Variants in FSHR observed in about 807,000 individuals in gnomAD.
FSHR encodes follicle-stimulating hormone receptor.
FSHR carries 46 observed loss-of-function variants against 52.1 expected under a neutral mutation model. The ratio of observed to expected loss-of-function variants is 0.88; its 90% CI spans 0.70 to 1.13. The LOEUF is 1.13. FSHR is among the 50% of genes most tolerant of loss of function. The probability of loss-of-function intolerance (pLI) is 0.00; values close to 1 mark genes in which losing one functional copy is unlikely to be tolerated. For synonymous variants in FSHR, 399 were observed against 309.6 expected (o/e 1.29, Z -3.03); for missense variants, 964 against 834.6 (o/e 1.16, Z -1.91).
At chr2:48,996,517 AAC>A (rs1676030065) in intron 4 of FSHR, among the ~76,000 whole-genome samples, 1 of 152,128 alleles carries the variant, frequency 6.6e-6, no homozygotes, top group Admixed American at 6.6e-5. Flanking sequence ...TTGATTCATT[AAC>A]ACAACTCATG....
intron 2 of FSHR, among the ~76,000 whole-genome samples, chr2:49,024,898 C>A (rs1453423697): frequency 6.6e-6 from 1 of 152,168 alleles, no homozygotes; most frequent in Non-Finnish European, 1.5e-5. Context: ...TTTCCATAGA[C>A]CCTCTGTTAC....
chr2:48,985,131 CG>C (rs1210228036), intron 6 of FSHR, among the ~76,000 whole-genome samples: 1 of 151,514 alleles, frequency 6.6e-6, no homozygotes, highest in African/African-American at 2.4e-5. Context: ...ACGATGATGA[CG>C]ATGACTACAA....
At chr2:49,139,659 A>T (rs945209269) in intron 1 of FSHR, among the ~76,000 whole-genome samples, 1 of 148,028 alleles carries the variant, frequency 6.8e-6, no homozygotes, top group African/African-American at 2.5e-5. Flanking sequence ...GTGCAGTGGC[A>T]TGATCACGGC....
intron 6 of FSHR, 53 bp from the exon 7 acceptor site, chr2:48,983,219 CG>C: frequency 6.5e-7 from 1 of 1,535,518 alleles, no homozygotes; most frequent in Middle Eastern, 1.7e-4. Flanking sequence ...AAACAATACA[CG>C]GGTTTCATAA....
chr2:49,005,499 T>C (rs763236767), intron 4 of FSHR, among the ~76,000 whole-genome samples: 6 of 152,134 alleles, frequency 3.9e-5, no homozygotes, highest in Non-Finnish European at 8.8e-5. Flanking sequence ...ATTTCTTCAC[T>C]ATAATGATAG....
intron 3 of FSHR, among the ~76,000 whole-genome samples, chr2:49,017,983 G>T (rs931398015): frequency 2.0e-5 from 3 of 151,966 alleles, no homozygotes; most frequent in Non-Finnish European, 2.9e-5. Context: ...AGAGAAAAAG[G>T]AATGAAAGTA....
chr2:49,045,555 G>A (rs375347202), intron 2 of FSHR, among the ~76,000 whole-genome samples: 13 of 151,832 alleles, frequency 8.6e-5, no homozygotes, highest in African/African-American at 2.9e-4. Context: ...GCAGACAGAG[G>A]TAGGCAAAAA....
At chr2:49,049,832 T>C (rs1668788809) in intron 2 of FSHR, among the ~76,000 whole-genome samples, 1 of 36,470 alleles carries the variant, frequency 2.7e-5, no homozygotes, top group Non-Finnish European at 9.0e-5. Flanking sequence ...CTAATATATA[T>C]ATATATATAT....
chr2:49,141,916 A>G (rs1377861893), intron 1 of FSHR, among the ~76,000 whole-genome samples: 1 of 152,190 alleles, frequency 6.6e-6, no homozygotes, highest in Non-Finnish European at 1.5e-5. Flanking sequence ...AAGCTGAGTG[A>G]CTTTGGGCTA....
At chr2:49,025,359 C>A (rs1466976839) in intron 2 of FSHR, among the ~76,000 whole-genome samples, 1 of 152,078 alleles carries the variant, frequency 6.6e-6, no homozygotes, top group South Asian at 2.1e-4. Context: ...CTAGGCTTTC[C>A]TTAACTGGTG....
intron 2 of FSHR, among the ~76,000 whole-genome samples, chr2:49,044,691 C>T (rs1423347862): frequency 6.6e-6 from 1 of 152,058 alleles, no homozygotes; most frequent in African/African-American, 2.4e-5. Context: ...TTTCATTTCA[C>T]CTCCCCCAAC....
intron 2 of FSHR, among the ~76,000 whole-genome samples, chr2:49,035,100 G>C (rs2104266084): frequency 6.6e-6 from 1 of 152,246 alleles, no homozygotes; most frequent in Admixed American, 6.5e-5. Context: ...CATCAAGCCT[G>C]GTCTTTATAG....
rs750841775 is a variant in FSHR at position 48,968,693 on chromosome 2, C to T, written c.854+5G>A. 12 of 1,614,054 alleles carry T rather than the reference C, an allele frequency of 7.4e-6. No individual in the cohort carries two copies. Among genetic ancestry groups the T allele is most frequent in the Non-Finnish European group, 1.0e-5 (12 of 1,179,942 alleles). On this transcript the variant is annotated splice_donor_5th_base_variant and intron_variant, in intron 9 of 9. Transcript: ENST00000406846. ...GCCTGAGCAGGGCTTAAAGGATGGA[C>T]TCACATTTGCCGTCTCCAGTTTGCA...
chr2:49,088,064 T>C (rs945479459), intron 1 of FSHR, among the ~76,000 whole-genome samples: 15 of 152,192 alleles, frequency 9.9e-5, no homozygotes, highest in Admixed American at 6.5e-4. Flanking sequence ...TGTCCACTTA[T>C]AGATGAGGGC....
intron 4 of FSHR, among the ~76,000 whole-genome samples, chr2:48,996,846 A>T (rs1237134054): frequency 1.3e-5 from 2 of 152,162 alleles, no homozygotes; most frequent in Admixed American, 1.3e-4. Flanking sequence ...AAGTAGATTA[A>T]TTAGCACATA....
chr2:49,132,494 A>G (rs13395924), intron 1 of FSHR, among the ~76,000 whole-genome samples: 3,940 of 152,296 alleles, frequency 0.026, 164 homozygotes, highest in African/African-American at 0.087. Context: ...TCTGCCAAAA[A>G]GAACAGTTAT....
chr2:49,055,432 G>T (rs1669019598), intron 2 of FSHR, among the ~76,000 whole-genome samples: 1 of 146,046 alleles, frequency 6.8e-6, no homozygotes, highest in Non-Finnish European at 1.5e-5. Context: ...TTCAGAAGGA[G>T]AAGAGAAAGG....
chr2:49,133,977 C>T (rs1000617629), intron 1 of FSHR, among the ~76,000 whole-genome samples: 1 of 152,100 alleles, frequency 6.6e-6, no homozygotes, highest in East Asian at 1.9e-4. Flanking sequence ...AGAAGGAAAC[C>T]TAGGCAATAC....
intron 1 of FSHR, among the ~76,000 whole-genome samples, chr2:49,126,233 C>T (rs1671991757): frequency 6.6e-6 from 1 of 151,942 alleles, no homozygotes; most frequent in African/African-American, 2.4e-5. Context: ...AGTGAGGGTC[C>T]CATGTCTGTC....
Sources: allele counts gnomAD v4.1 joint callset (sites outside exome capture counted in the v4.1 genomes callset), GRCh38; gene constraint gnomAD v4.1.1; transcripts MANE v1.5; gene names NCBI Gene and HGNC (gene_info 2026-07-23, HGNC 2026-07-21).